The following VWC2 variants were observed in gnomAD, a reference collection of about 807,000 sequenced individuals.
The protein encoded by VWC2 is von Willebrand factor C domain containing 2, also known as brorin.
A neutral mutation model predicts 29.8 loss-of-function variants in VWC2; 14 were observed. The ratio of observed to expected loss-of-function variants is 0.47; its 90% CI spans 0.31 to 0.74. The LOEUF (loss-of-function observed/expected upper bound fraction) is 0.74, where lower values mean the gene tolerates loss of function less well. Ranked by LOEUF, VWC2 falls within the 30% of genes least tolerant of loss-of-function variation. VWC2 has a pLI of 0.05. For synonymous variants in VWC2, 213 were observed against 199.0 expected, an observed-to-expected ratio of 1.07 and a Z score of -0.59; for missense variants, 457 against 459.8, an observed-to-expected ratio of 0.99 and a Z score of 0.05.
Position 49,916,202 on chromosome 7 carries a change from G to T in VWC2, c.*4017G>T, listed in dbSNP as rs771299792. 1 of 151,778 alleles carries T rather than the reference G, an allele frequency of 6.6e-6. No individual in the cohort carries two copies. The highest frequency in any genetic ancestry group is 1.5e-5 in the Non-Finnish European group (1 of 67,936). 9.4% of individuals were successfully genotyped at this position (151,778 alleles called of 1,614,324 possible). A position where few individuals can be genotyped will look rare whatever the true frequency, so the allele number is the denominator to read the frequency against. ...CTAGTTTTCAACTGAATTCTTTGAG[G>T]ATCGCAATCACACACAAAATAACAT... is the stretch of plus-strand genomic sequence containing the variant. On this transcript the variant is annotated 3_prime_UTR_variant, in exon 4 of 4. Transcript: ENST00000340652.
chr7:49,840,895 C>T (rs117378280), intron 3 of VWC2, among the ~76,000 whole-genome samples: 1 of 152,200 alleles, frequency 6.6e-6, no homozygotes, highest in East Asian at 1.9e-4. Context: ...AAGTTTTCTG[C>T]CTCTTGGTGA....
At chr7:49,823,946 TTTATTG>T (rs1490799415) in intron 3 of VWC2, among the ~76,000 whole-genome samples, 2 of 152,226 alleles carry the variant, frequency 1.3e-5, no homozygotes, top group African/African-American at 4.8e-5. Flanking sequence ...TGTTATTCTT[TTTATTG>T]TTATTGTTAT....
intron 3 of VWC2, among the ~76,000 whole-genome samples, chr7:49,855,050 G>A (rs1365438554): frequency 2.6e-5 from 4 of 152,150 alleles, no homozygotes; most frequent in Non-Finnish European, 5.9e-5. Context: ...GGAGTTCTCG[G>A]CTTCTATATT....
chr7:49,773,831 G>T lies in VWC2; in HGVS notation c.-386G>T, dbSNP rs1787989090. The stretch of plus-strand genomic sequence containing the variant: ...GGGCGCGCTTGGTCTCGGAGAAGCG[G>T]GGACGAGGCCGGAGGATGAGCGACT... On this transcript the variant is annotated 5_prime_UTR_variant, in exon 1 of 4. Transcript: ENST00000340652. 6.6e-6 allele frequency: 1 copy of T among 152,474 alleles called. No homozygotes were observed. The highest frequency in any genetic ancestry group is 1.5e-5 in the Non-Finnish European group (1 of 68,310). 9.4% of individuals were successfully genotyped at this position (152,474 alleles called of 1,614,324 possible).
intron 3 of VWC2, among the ~76,000 whole-genome samples, chr7:49,829,402 C>T (rs1789474590): frequency 6.6e-6 from 1 of 152,150 alleles, no homozygotes; most frequent in South Asian, 2.1e-4. Context: ...TCATGAGTCC[C>T]AGTTCTTCAG....
chr7:49,910,617 T>A (rs1793356336), intron 3 of VWC2, among the ~76,000 whole-genome samples: 2 of 152,184 alleles, frequency 1.3e-5, no homozygotes, highest in African/African-American at 4.8e-5. Flanking sequence ...AAAAAAAATG[T>A]GTTTTAACTA....
At chr7:49,867,339 C>T (rs951936467) in intron 3 of VWC2, among the ~76,000 whole-genome samples, 2 of 152,132 alleles carry the variant, frequency 1.3e-5, no homozygotes, top group South Asian at 4.1e-4. Flanking sequence ...TCAGAAAGGC[C>T]GTCCTTACAT....
At chr7:49,911,480 C>CAAAAAAAAA (rs34782644) in intron 3 of VWC2, among the ~76,000 whole-genome samples, 2 of 71,634 alleles carry the variant, frequency 2.8e-5, no homozygotes, top group Non-Finnish European at 4.9e-5. Flanking sequence ...GACTCTGTCT[C>CAAAAAAAAA]AAAAAAAAAA....
chr7:49,911,921 A>ACGCGCG (rs1417570229), intron 3 of VWC2, 113 bp from the exon 4 acceptor site: 2 of 743,236 alleles, frequency 2.7e-6, no homozygotes, highest in Admixed American at 4.6e-5. Context: ...AAACAAATAC[A>ACGCGCG]CGCACACACA....
intron 3 of VWC2, among the ~76,000 whole-genome samples, chr7:49,894,936 C>CT (rs1320428692): frequency 1.3e-5 from 2 of 152,156 alleles, no homozygotes; most frequent in East Asian, 3.9e-4. Context: ...TTGTGAAAGA[C>CT]TTTTTTTAAG....
intron 3 of VWC2, among the ~76,000 whole-genome samples, chr7:49,852,363 G>T (rs1468940207): frequency 3.9e-5 from 6 of 152,206 alleles, no homozygotes; most frequent in Non-Finnish European, 5.9e-5. Context: ...GGCCTGGCAG[G>T]CATGAGCTGG....
intron 2 of VWC2, among the ~76,000 whole-genome samples, chr7:49,779,038 GGAGA>G (rs58968931): frequency 6.0e-5 from 9 of 149,818 alleles, no homozygotes; most frequent in African/African-American, 1.7e-4. Context: ...TTCCAGAGAG[GGAGA>G]GAGAGAGAGA....
intron 3 of VWC2, among the ~76,000 whole-genome samples, chr7:49,841,959 T>G (rs1446041017): frequency 6.6e-6 from 1 of 152,076 alleles, no homozygotes; most frequent in African/African-American, 2.4e-5. Flanking sequence ...CTCCACCTCC[T>G]GGGTTCAAGC....
At position 49,804,743 on chromosome 7, in the gene VWC2, C is replaced by T. The variant is rs936230253; in HGVS notation, c.826+1903C>T. 2.0e-5 allele frequency among the ~76,000 whole-genome samples: 3 copies of T among 152,140 alleles called. No homozygotes were observed. The East Asian group carries it at 5.8e-4, about 29-fold the overall frequency. ...CCTTTAGCTACACCTGTTGCTAACA[C>T]GTTGCCGTATTTGCTTTGTCTCTTT... On this transcript the variant is annotated intron_variant, in intron 3 of 3. Coordinates refer to ENST00000340652, the MANE Select transcript of VWC2 (RefSeq NM_198570.5).
chr7:49,876,012 C>A (rs1791400367), intron 3 of VWC2, among the ~76,000 whole-genome samples: 1 of 152,000 alleles, frequency 6.6e-6, no homozygotes, highest in Non-Finnish European at 1.5e-5. Flanking sequence ...GAATATGGAC[C>A]CAGGCAATAT....
intron 3 of VWC2, among the ~76,000 whole-genome samples, chr7:49,830,257 A>G (rs911219449): frequency 5.4e-5 from 8 of 147,176 alleles, no homozygotes; most frequent in Admixed American, 1.3e-4. Flanking sequence ...TTAAAATTTG[A>G]AAAAAAAAAT....
At chr7:49,852,880 C>T (rs1790241533) in intron 3 of VWC2, among the ~76,000 whole-genome samples, 1 of 152,222 alleles carries the variant, frequency 6.6e-6, no homozygotes, top group Non-Finnish European at 1.5e-5. Context: ...TGGAAACTGG[C>T]TTCTGTAAAG....
chr7:49,792,292 C>A (rs1788478477), intron 2 of VWC2, among the ~76,000 whole-genome samples: 1 of 152,202 alleles, frequency 6.6e-6, no homozygotes, highest in African/African-American at 2.4e-5. Context: ...ATTTAACCAT[C>A]CTCATTTTAC....
intron 3 of VWC2, among the ~76,000 whole-genome samples, chr7:49,817,044 T>C (rs1047197477): frequency 4.6e-5 from 7 of 152,208 alleles, no homozygotes; most frequent in African/African-American, 1.7e-4. Flanking sequence ...TTTCTTTCAA[T>C]CAACCTCTAA....
Sources: allele counts gnomAD v4.1 joint callset (sites outside exome capture counted in the v4.1 genomes callset), GRCh38; gene constraint gnomAD v4.1.1; transcripts MANE v1.5; gene names NCBI Gene and HGNC (gene_info 2026-07-23, HGNC 2026-07-21).